Variants in TSHR observed in about 807,000 individuals in gnomAD.
TSHR encodes the protein thyrotropin receptor.
In TSHR, 51 loss-of-function variants were observed where a neutral mutation model predicts 64.1. That is an observed-to-expected ratio of 0.80 (90% CI 0.64 to 1.01). TSHR has a LOEUF of 1.01. TSHR is among the 50% of genes least tolerant of loss of function. The pLI, the probability that TSHR is intolerant of heterozygous loss-of-function variation, is 0.00. For missense variants in TSHR, 877 were observed against 942.8 expected (o/e 0.93, Z 0.91); for synonymous variants, 361 against 361.9 (o/e 1.00, Z 0.03).
intron 1 of TSHR, among the ~76,000 whole-genome samples, chr14:81,009,140 T>C (rs867587036): frequency 2.6e-5 from 4 of 152,318 alleles, no homozygotes; most frequent in Middle Eastern, 6.8e-3. Flanking sequence ...TTCGGTAGTC[T>C]CAGATTTTTA....
chr14:81,009,083 A>G (rs1258748557), intron 1 of TSHR, among the ~76,000 whole-genome samples: 2 of 152,326 alleles, frequency 1.3e-5, no homozygotes, highest in Admixed American at 6.5e-5. Context: ...TTTACTCTTC[A>G]GCTAATAATC....
intron 1 of TSHR, among the ~76,000 whole-genome samples, chr14:81,006,426 CAAGG>C (rs1225024628): frequency 6.6e-6 from 1 of 152,136 alleles, no homozygotes; most frequent in East Asian, 1.9e-4. Flanking sequence ...CTCTTCTTAT[CAAGG>C]ACACCAGTCA....
At chr14:81,130,509 CTCTTCT>C (rs912555953) in intron 8 of TSHR, among the ~76,000 whole-genome samples, 3 of 152,028 alleles carry the variant, frequency 2.0e-5, no homozygotes, top group Non-Finnish European at 4.4e-5. Flanking sequence ...GTTTTTCTAG[CTCTTCT>C]TCTTCTTCTT....
intron 3 of TSHR, among the ~76,000 whole-genome samples, chr14:81,073,809 T>G (rs1887293717): frequency 6.6e-6 from 1 of 151,958 alleles, no homozygotes; most frequent in South Asian, 2.1e-4. Flanking sequence ...GAAAGTAAAA[T>G]AACACTGAGG....
chr14:81,031,820 C>T (rs1431866404), intron 1 of TSHR, among the ~76,000 whole-genome samples: 2 of 152,202 alleles, frequency 1.3e-5, no homozygotes, highest in Non-Finnish European at 2.9e-5. Flanking sequence ...TTCAGAGAGG[C>T]TACACTACTG....
chr14:81,077,772 G>A (rs1566797652), intron 3 of TSHR, among the ~76,000 whole-genome samples: 1 of 151,704 alleles, frequency 6.6e-6, no homozygotes, highest in African/African-American at 2.4e-5. Context: ...ATTTCTCCTT[G>A]TCTTCTTTTG....
intron 1 of TSHR, among the ~76,000 whole-genome samples, chr14:81,017,773 T>C (rs554777574): frequency 6.6e-6 from 1 of 152,114 alleles, no homozygotes; most frequent in South Asian, 2.1e-4. Context: ...CACATCTCAT[T>C]TGTGCTGTCA....
chr14:81,021,302 C>G (rs914350554), intron 1 of TSHR, among the ~76,000 whole-genome samples: 2 of 152,072 alleles, frequency 1.3e-5, no homozygotes, highest in African/African-American at 4.8e-5. Context: ...AGTGTTCCCT[C>G]CCCTGCAAAG....
chr14:80,990,079 G>A (rs978743998), intron 1 of TSHR, among the ~76,000 whole-genome samples: 4 of 152,238 alleles, frequency 2.6e-5, no homozygotes, highest in Admixed American at 6.5e-5. Flanking sequence ...AGCTATACTG[G>A]ATTGAAATGA....
Position 81,139,818 on chromosome 14 carries a change from T to C in TSHR, c.832T>C (p.Ser278Pro), listed in dbSNP as rs951072374. Residue 278 changes from serine to proline, a missense_variant, in exon 9 of 10, where the codon TCT becomes CCT. By Grantham distance (74) the Ser-to-Pro change is moderately conservative (BLOSUM62 -1). Transcript: ENST00000298171. ...SFLHLTRADL[S>P]YPSHCCAFKN... The stretch of plus-strand genomic sequence containing the variant: ...CCTTCACCTCACACGGGCTGACCTT[T>C]CTTACCCAAGCCACTGCTGTGCTTT... 3.1e-6 allele frequency: 5 copies of C among 1,614,062 alleles called. No homozygotes were observed. The Admixed American group carries it at 5.0e-5, about 16-fold the overall frequency.
At chr14:81,073,731 T>C (rs2160213) in intron 3 of TSHR, among the ~76,000 whole-genome samples, 128,848 of 152,126 alleles carry the variant, frequency 0.85, 55,038 homozygotes, top group African/African-American at 0.96. Flanking sequence ...GAAAAGAAGG[T>C]TAAAAATAAA....
intron 3 of TSHR, among the ~76,000 whole-genome samples, chr14:81,087,116 T>C (rs1357767721): frequency 6.6e-6 from 1 of 152,252 alleles, no homozygotes; most frequent in Non-Finnish European, 1.5e-5. Context: ...GAGGTCACAT[T>C]CTAAGCTTTC....
chr14:80,998,263 G>A (rs1382330159), intron 1 of TSHR, among the ~76,000 whole-genome samples: 2 of 152,052 alleles, frequency 1.3e-5, no homozygotes, highest in East Asian at 3.9e-4. Flanking sequence ...GAGTATTGGG[G>A]CAGGCAATCA....
At chr14:81,072,389 A>G (rs1221947486) in intron 3 of TSHR, among the ~76,000 whole-genome samples, 1 of 152,206 alleles carries the variant, frequency 6.6e-6, no homozygotes, top group African/African-American at 2.4e-5. Flanking sequence ...ATTATCTGAG[A>G]AGTGGTAAAA....
At chr14:80,997,313 G>C (rs1040760725) in intron 1 of TSHR, among the ~76,000 whole-genome samples, 2 of 152,132 alleles carry the variant, frequency 1.3e-5, no homozygotes, top group African/African-American at 4.8e-5. Flanking sequence ...TCCCCACCTC[G>C]GGATAATTCT....
chr14:80,972,813 T>C (rs1391229475), intron 1 of TSHR, among the ~76,000 whole-genome samples: 1 of 152,226 alleles, frequency 6.6e-6, no homozygotes, highest in Non-Finnish European at 1.5e-5. Context: ...CTGCTCTCCG[T>C]CCACATGGGT....
At chr14:81,097,629 C>T (rs1428012322) in intron 7 of TSHR, among the ~76,000 whole-genome samples, 2 of 152,184 alleles carry the variant, frequency 1.3e-5, no homozygotes, top group Admixed American at 6.5e-5. Context: ...TATGCAGTGG[C>T]TCTGGATGGA....
At chr14:81,060,402 C>G (rs140202702) in intron 1 of TSHR, among the ~76,000 whole-genome samples, 376 of 152,112 alleles carry the variant, frequency 2.5e-3, no homozygotes, top group African/African-American at 8.5e-3. Flanking sequence ...AGTGGGAGAC[C>G]TTCAAAGGAG....
At chr14:81,015,910 A>T (rs1429649164) in intron 1 of TSHR, among the ~76,000 whole-genome samples, 1 of 152,156 alleles carries the variant, frequency 6.6e-6, no homozygotes, top group African/African-American at 2.4e-5. Flanking sequence ...TTCACTTAAC[A>T]TAACGTCCTC....
Sources: allele counts gnomAD v4.1 joint callset (sites outside exome capture counted in the v4.1 genomes callset), GRCh38; gene constraint gnomAD v4.1.1; transcripts MANE v1.5; gene names NCBI Gene and HGNC (gene_info 2026-07-23, HGNC 2026-07-21).